The following SLIT3 variants were observed in gnomAD, a reference collection of about 807,000 sequenced individuals.
SLIT3 encodes the protein slit homolog 3 protein.
Under a neutral mutation model 184.0 loss-of-function variants are expected in SLIT3, and 68 were observed. The ratio of observed to expected loss-of-function variants is 0.37; its 90% CI spans 0.30 to 0.45. The LOEUF (loss-of-function observed/expected upper bound fraction) is 0.45. Among genes scored for constraint, SLIT3 ranks in the 20% least tolerant of loss-of-function variants. SLIT3 has a pLI of 1.00. For synonymous variants in SLIT3, 831 were observed against 828.6 expected, an observed-to-expected ratio of 1.00 and a Z score of -0.05; for missense variants, 1,707 against 2,026.0, an observed-to-expected ratio of 0.84 and a Z score of 3.02.
At chr5:168,712,894 G>A (rs1762603995) in intron 23 of SLIT3, 1 of 154,752 alleles carries the variant, frequency 6.5e-6, no homozygotes, top group Admixed American at 6.3e-5. Context: ...GCCACGGAAA[G>A]TTGTCATGGG....
intron 4 of SLIT3, among the ~76,000 whole-genome samples, chr5:168,890,643 T>C (rs1760420113): frequency 6.6e-6 from 1 of 152,220 alleles, no homozygotes; most frequent in Non-Finnish European, 1.5e-5. Context: ...AATAAAATGA[T>C]CTCTAAGTTT....
chr5:168,809,716 G>T (rs79505842), intron 8 of SLIT3, among the ~76,000 whole-genome samples: 16,224 of 152,208 alleles, frequency 0.11, 1,148 homozygotes, highest in African/African-American at 0.19. Context: ...TACAAAGCAC[G>T]GACCCATAAG....
At chr5:169,125,438 G>A (rs532300206) in intron 4 of SLIT3, among the ~76,000 whole-genome samples, 2 of 152,362 alleles carry the variant, frequency 1.3e-5, no homozygotes, top group South Asian at 2.1e-4. Context: ...ACCAAGTCTT[G>A]TAGTTAGGAT....
intron 4 of SLIT3, among the ~76,000 whole-genome samples, chr5:168,983,274 G>T (rs1755012514): frequency 6.6e-6 from 1 of 152,168 alleles, no homozygotes; most frequent in Non-Finnish European, 1.5e-5. Flanking sequence ...GATCTCACAA[G>T]CTTTATCCCC....
chr5:168,719,351 C>T (rs1762863082), intron 23 of SLIT3, among the ~76,000 whole-genome samples: 1 of 152,216 alleles, frequency 6.6e-6, no homozygotes, highest in East Asian at 1.9e-4. Context: ...CATGCCCGGT[C>T]TTCATTCATC....
At chr5:168,961,491 C>T (rs563213862) in intron 4 of SLIT3, among the ~76,000 whole-genome samples, 21 of 152,252 alleles carry the variant, frequency 1.4e-4, no homozygotes, top group African/African-American at 4.8e-4. Flanking sequence ...ATTAATAATA[C>T]AAGCAAATAA....
chr5:168,848,245 G>A (rs1758552041), intron 5 of SLIT3, among the ~76,000 whole-genome samples: 1 of 152,242 alleles, frequency 6.6e-6, no homozygotes, highest in Non-Finnish European at 1.5e-5. Context: ...ATATCGTCAT[G>A]ACTGTGGCCC....
Position 169,106,480 on chromosome 5 carries a change from T to G in SLIT3, c.413+86999A>C, listed in dbSNP as rs77705343. The stretch of plus-strand genomic sequence containing the variant: ...TCCAATGCAAAGTGAGTCATTTTGA[T>G]GTGGCCATCTTGCTATAATCATTCC... On this transcript the variant is annotated intron_variant, in intron 4 of 35. Transcript: ENST00000519560. Among the ~76,000 whole-genome samples, 328 of 152,340 alleles carry G rather than the reference T, an allele frequency of 2.2e-3. 1 individual carries two copies. The highest frequency in any genetic ancestry group is 6.3e-3 in the African/African-American group (263 of 41,572).
intron 4 of SLIT3, among the ~76,000 whole-genome samples, chr5:169,185,745 G>C (rs1192476392): frequency 1.3e-5 from 2 of 152,202 alleles, no homozygotes; most frequent in Non-Finnish European, 2.9e-5. Flanking sequence ...ACAACTCTGA[G>C]CTCTTTTAGG....
chr5:169,126,163 T>C (rs1260382317), intron 4 of SLIT3, among the ~76,000 whole-genome samples: 1 of 152,254 alleles, frequency 6.6e-6, no homozygotes, highest in Non-Finnish European at 1.5e-5. Context: ...AAGGACCTTG[T>C]AGGACTATCT....
intron 3 of SLIT3, among the ~76,000 whole-genome samples, chr5:169,203,055 A>G (rs906118386): frequency 1.3e-5 from 2 of 152,164 alleles, no homozygotes; most frequent in African/African-American, 4.8e-5. Context: ...AGTCCTGTCT[A>G]CACAGAGGTG....
chr5:169,038,134 A>C (rs1757319892), intron 4 of SLIT3: 2 of 152,360 alleles, frequency 1.3e-5, no homozygotes, highest in South Asian at 4.1e-4. Flanking sequence ...AGGATGCCTT[A>C]GTAGTGTCAA....
At chr5:169,292,961 G>T (rs928327831) in intron 1 of SLIT3, among the ~76,000 whole-genome samples, 1 of 152,292 alleles carries the variant, frequency 6.6e-6, no homozygotes, top group Non-Finnish European at 1.5e-5. Flanking sequence ...TTTTGAATGC[G>T]CTGGCTGATA....
At position 169,300,593 on chromosome 5, in the gene SLIT3, G is replaced by A. The variant is rs1490212739; in HGVS notation, c.117C>T (p.Thr39=). Residue 39 remains threonine, a synonymous_variant, in exon 1 of 36, where the codon ACC becomes ACT. Transcript: ENST00000519560. The surrounding 1 kb of genome is among the most constrained non-coding windows in gnomAD (Gnocchi z 4.1). ...GGCAGTCCACGCTGGCAGCGGAGCA[G>A]GTACACTTGGTGGGGCAGGCGACGG... ...PPAVACPTKC[T]CSAASVDCHG... is the part of the protein sequence containing the mutation. 1 of 1,510,440 alleles carries A rather than the reference G, an allele frequency of 6.6e-7. No individual in the cohort carries two copies. The highest frequency in any genetic ancestry group is 2.1e-5 in the Admixed American group (1 of 48,040). The allele number at this position is 1,510,440 out of a possible 1,614,324, so 93.6% of individuals were successfully genotyped here.
chr5:169,022,511 C>A (rs1033540223), intron 4 of SLIT3, among the ~76,000 whole-genome samples: 1 of 152,180 alleles, frequency 6.6e-6, no homozygotes, highest in Non-Finnish European at 1.5e-5. Context: ...ATAAAAGTCA[C>A]CTTTCTTGGA....
chr5:168,696,526 A>G (rs1762070589), intron 27 of SLIT3, 95 bp from the exon 28 acceptor site: 3 of 1,462,446 alleles, frequency 2.1e-6, no homozygotes, highest in Non-Finnish European at 2.8e-6. Flanking sequence ...GGGAAATACA[A>G]TTAGTTTTTC....
chr5:169,260,836 C>G (rs1288315004), intron 1 of SLIT3, among the ~76,000 whole-genome samples: 1 of 152,150 alleles, frequency 6.6e-6, no homozygotes, highest in Admixed American at 6.5e-5. Context: ...CCATAAGAAA[C>G]TCAGAGTTTA....
intron 4 of SLIT3, among the ~76,000 whole-genome samples, chr5:169,031,486 T>C (rs1461018969): frequency 5.3e-5 from 8 of 151,818 alleles, no homozygotes; most frequent in African/African-American, 1.9e-4. Flanking sequence ...GAGCAAGGAG[T>C]GGGGTCTCAC....
chr5:168,826,057 T>C (rs1757694438), intron 6 of SLIT3, among the ~76,000 whole-genome samples: 1 of 152,210 alleles, frequency 6.6e-6, no homozygotes, highest in Non-Finnish European at 1.5e-5. Context: ...CAACATCAGG[T>C]GGAGTTCACA....
Sources: gnomAD v4.1 joint callset for allele counts (sites outside exome capture counted in the v4.1 genomes callset) on GRCh38, gnomAD v4.1.1 for gene constraint, Gnocchi (gnomAD v3.1) non-coding constraint, MANE v1.5 for transcripts, NCBI Gene and HGNC (gene_info 2026-07-23, HGNC 2026-07-21) for gene names.